Variants in WWOX observed in about 807,000 individuals in gnomAD.
WWOX encodes WW domain containing oxidoreductase, also known as WW domain-containing oxidoreductase.
A neutral mutation model predicts 46.2 loss-of-function variants in WWOX; 69 were observed. The observed-to-expected ratio is 1.49, with a 90% confidence interval of 1.23 to 1.82. The LOEUF (loss-of-function observed/expected upper bound fraction) is 1.82, where lower values mean the gene tolerates loss of function less well. Ranked by LOEUF, WWOX falls within the 40% of genes most tolerant of loss-of-function variation. The pLI is 0.00. For synonymous variants in WWOX, 359 were observed against 202.6 expected (o/e 1.77, Z -6.56); for missense variants, 919 against 542.6 (o/e 1.69, Z -6.89).
intron 8 of WWOX, among the ~76,000 whole-genome samples, chr16:79,109,545 G>A (rs528187440): frequency 1.3e-5 from 2 of 152,260 alleles, no homozygotes; most frequent in South Asian, 2.1e-4. Flanking sequence ...AAATTAATAT[G>A]CAGTTGCTAT....
Position 78,388,067 on chromosome 16 carries a change from G to T in WWOX, c.605+1119G>T, listed in dbSNP as rs550478336. Among the ~76,000 whole-genome samples, 10 of 152,260 alleles carry T rather than the reference G, an allele frequency of 6.6e-5. No homozygotes were observed. The South Asian group carries it at 1.7e-3, about 25-fold the overall frequency. ...AGTGTCCAATTCTCCTTGCATGGCTGTGTCACCCAGGTTGGAACGTAGTGC... is the reference window on the plus strand; with the variant it reads ...AGTGTCCAATTCTCCTTGCATGGCTTTGTCACCCAGGTTGGAACGTAGTGC... On this transcript the variant is annotated intron_variant, in intron 6 of 8. Coordinates refer to ENST00000566780, the MANE Select transcript of WWOX (RefSeq NM_016373.4).
At chr16:78,812,233 G>A (rs755522759) in intron 8 of WWOX, among the ~76,000 whole-genome samples, 34 of 151,938 alleles carry the variant, frequency 2.2e-4, no homozygotes, top group Non-Finnish European at 4.0e-4. Flanking sequence ...CAAAGATTGG[G>A]GCATATTTAG....
intron 8 of WWOX, among the ~76,000 whole-genome samples, chr16:79,052,994 G>C (rs113419327): frequency 1.3e-5 from 2 of 151,232 alleles, no homozygotes; most frequent in Non-Finnish European, 2.9e-5. Context: ...GTGGGTGGAG[G>C]GTCAGAGAGG....
At chr16:78,906,711 T>C (rs1022408921) in intron 8 of WWOX, among the ~76,000 whole-genome samples, 2 of 152,216 alleles carry the variant, frequency 1.3e-5, no homozygotes, top group African/African-American at 4.8e-5. Context: ...CTGTCAGCTC[T>C]ATGGATGTGC....
intron 6 of WWOX, among the ~76,000 whole-genome samples, chr16:78,397,128 T>G (rs973324069): frequency 6.6e-6 from 1 of 152,254 alleles, no homozygotes; most frequent in South Asian, 2.1e-4. Flanking sequence ...CCCCATGATA[T>G]TTCACGGCTG....
At chr16:79,180,009 T>A (rs1314899779) in intron 8 of WWOX, among the ~76,000 whole-genome samples, 1 of 152,168 alleles carries the variant, frequency 6.6e-6, no homozygotes, top group African/African-American at 2.4e-5. Context: ...TTTTTTCCCC[T>A]TATCCCATAG....
At chr16:78,683,400 CGTGGT>C (rs993503702) in intron 8 of WWOX, among the ~76,000 whole-genome samples, 1 of 151,396 alleles carries the variant, frequency 6.6e-6, no homozygotes, top group African/African-American at 2.4e-5. Flanking sequence ...AAAATTTAGG[CGTGGT>C]GGTGTGTGCC....
intron 8 of WWOX, among the ~76,000 whole-genome samples, chr16:78,544,925 C>T (rs970655809): frequency 6.6e-6 from 1 of 151,848 alleles, no homozygotes. Context: ...GCCTATAATC[C>T]TAGCCCTTTG....
chr16:78,103,157 GGGTGCATACAT>G (rs1178418317), intron 1 of WWOX, among the ~76,000 whole-genome samples: 2 of 151,918 alleles, frequency 1.3e-5, no homozygotes, highest in African/African-American at 4.8e-5. Context: ...CAGGGGACTC[GGGTGCATACAT>G]GGTTTCCAAA....
intron 5 of WWOX, among the ~76,000 whole-genome samples, chr16:78,164,781 C>T (rs2034918424): frequency 6.6e-6 from 1 of 152,184 alleles, no homozygotes; most frequent in African/African-American, 2.4e-5. Context: ...TCCCTGCCCT[C>T]ATAGGCTTAC....
At chr16:78,925,436 T>A (rs2045476442) in intron 8 of WWOX, among the ~76,000 whole-genome samples, 1 of 152,158 alleles carries the variant, frequency 6.6e-6, no homozygotes, top group Non-Finnish European at 1.5e-5. Flanking sequence ...ATGGAATAAT[T>A]ACCTTCCTTG....
chr16:78,198,084 T>A (rs1023429246), intron 5 of WWOX, among the ~76,000 whole-genome samples: 2 of 152,186 alleles, frequency 1.3e-5, no homozygotes, highest in African/African-American at 4.8e-5. Context: ...CTGGTAGCGG[T>A]TGGTAAGCCA....
rs183014394 is a variant in WWOX, at chr16:78,207,846, T to C, written c.516+43557T>C. Among the ~76,000 whole-genome samples the C allele has an allele frequency of 7.9e-5, 12 of 152,140 alleles. No individual in the cohort carries two copies. The East Asian group carries it at 2.3e-3, about 29-fold the overall frequency. On this transcript the variant is annotated intron_variant, in intron 5 of 8. Coordinates refer to ENST00000566780, the MANE Select transcript of WWOX (RefSeq NM_016373.4). The stretch of plus-strand genomic sequence containing the variant: ...ATTTTCCTGTTTCTGAGTTAGAGTC[T>C]CTTTTGCTCAGGCTGGAGTACAGTG...
At chr16:79,091,035 A>T (rs2048949407) in intron 8 of WWOX, among the ~76,000 whole-genome samples, 1 of 152,034 alleles carries the variant, frequency 6.6e-6, no homozygotes, top group South Asian at 2.1e-4. Flanking sequence ...TGATCCACCC[A>T]CATCGGCCTC....
intron 8 of WWOX, among the ~76,000 whole-genome samples, chr16:78,582,226 A>T (rs1301072762): frequency 6.6e-6 from 1 of 152,214 alleles, no homozygotes; most frequent in South Asian, 2.1e-4. Context: ...ATACATGGCC[A>T]AAGTGTGTCA....
At chr16:78,107,125 C>T (rs1030358057) in intron 1 of WWOX, among the ~76,000 whole-genome samples, 1 of 152,146 alleles carries the variant, frequency 6.6e-6, no homozygotes, top group African/African-American at 2.4e-5. Flanking sequence ...ATCTTATCAT[C>T]TAGATGTTGC....
chr16:78,294,439 T>TTGTTTTATAAGAGCCA (rs1368075509), intron 5 of WWOX, among the ~76,000 whole-genome samples: 2 of 152,122 alleles, frequency 1.3e-5, no homozygotes, highest in East Asian at 3.9e-4. Context: ...TGGCTTCTAC[T>TTGTTTTATAAGAGCCA]TGTTCTATAA....
intron 8 of WWOX, among the ~76,000 whole-genome samples, chr16:79,007,517 G>C (rs992825426): frequency 2.0e-4 from 30 of 152,202 alleles, no homozygotes; most frequent in African/African-American, 6.3e-4. Context: ...AGGCCTTGTA[G>C]GGCAAGCTGG....
rs144386807 is a variant in WWOX at position 78,700,547 on chromosome 16, T to G, written c.1056+267795T>G. Among the ~76,000 whole-genome samples, 29 of 152,322 alleles carry G rather than the reference T, an allele frequency of 1.9e-4. No homozygotes were observed. The East Asian group carries it at 5.6e-3, about 29-fold the overall frequency. ...ACGTGCACAGAGGTGTGCCCCAATTTACTGTCAGTGCAGCCTTCACAGGCA... is the reference window on the plus strand; with the variant it reads ...ACGTGCACAGAGGTGTGCCCCAATTGACTGTCAGTGCAGCCTTCACAGGCA... On this transcript the variant is annotated intron_variant, in intron 8 of 8. Coordinates refer to ENST00000566780, the MANE Select transcript of WWOX (RefSeq NM_016373.4).
Sources: gnomAD v4.1 joint callset for allele counts (sites outside exome capture counted in the v4.1 genomes callset) on GRCh38, gnomAD v4.1.1 for gene constraint, MANE v1.5 for transcripts, NCBI Gene and HGNC (gene_info 2026-07-23, HGNC 2026-07-21) for gene names.